The following PACSIN1 variants were observed in gnomAD, a reference collection of about 807,000 sequenced individuals.
PACSIN1 encodes protein kinase C and casein kinase substrate in neurons protein 1.
Under a neutral mutation model 59.5 loss-of-function variants are expected in PACSIN1, and 15 were observed. The observed-to-expected ratio is 0.25, with a 90% confidence interval of 0.17 to 0.39. PACSIN1 has a LOEUF of 0.39. Among genes scored for constraint, PACSIN1 ranks in the 10% least tolerant of loss-of-function variants. PACSIN1 has a pLI of 1.00. For missense variants in PACSIN1, 420 were observed against 580.2 expected (o/e 0.72, Z 2.84); for synonymous variants, 210 against 220.6 (o/e 0.95, Z 0.42).
chr6:34,508,016 T>C (rs1388405088), intron 1 of PACSIN1, among the ~76,000 whole-genome samples: 4 of 152,140 alleles, frequency 2.6e-5, no homozygotes, highest in Non-Finnish European at 5.9e-5. Context: ...AACACAGGAG[T>C]ACAAATTTGT....
chr6:34,493,076 C>T (rs1453262440), intron 1 of PACSIN1, among the ~76,000 whole-genome samples: 1 of 152,178 alleles, frequency 6.6e-6, no homozygotes, highest in Non-Finnish European at 1.5e-5. Flanking sequence ...GCTGGGAGGA[C>T]ACTTCAGAGT....
chr6:34,498,188 A>T (rs1044571643), intron 1 of PACSIN1, among the ~76,000 whole-genome samples: 1 of 152,022 alleles, frequency 6.6e-6, no homozygotes, highest in Non-Finnish European at 1.5e-5. Context: ...CAGCCTCCCA[A>T]GTAGCTGGGA....
intron 1 of PACSIN1, among the ~76,000 whole-genome samples, chr6:34,502,485 A>C (rs1767039411): frequency 4.8e-5 from 3 of 62,214 alleles, no homozygotes; most frequent in Non-Finnish European, 9.0e-5. Context: ...TTTTTTTTTG[A>C]GACGGAGTCT....
intron 1 of PACSIN1, among the ~76,000 whole-genome samples, chr6:34,522,938 G>A (rs747620906): frequency 2.0e-5 from 3 of 152,150 alleles, no homozygotes; most frequent in Admixed American, 6.5e-5. Flanking sequence ...GGTGGTGCCC[G>A]CCCACATTGC....
rs376065816 is a variant in PACSIN1, at chr6:34,488,060, C to T, written c.-64+21790C>T. ...GCTGCAGCAGGACTCTGGGCCACAA[C>T]AGACACTTGCACTCTCCCTCTTCAA... On this transcript the variant is annotated intron_variant, in intron 1 of 9. Coordinates refer to ENST00000244458, the MANE Select transcript of PACSIN1 (RefSeq NM_020804.5). This position sits in a 1 kb window ranked among gnomAD's most constrained non-coding sequence, Gnocchi z 4.7. Among the ~76,000 whole-genome samples the T allele has an allele frequency of 6.6e-6, 1 of 152,296 alleles. No homozygotes were observed. Among genetic ancestry groups the T allele is most frequent in the East Asian group, 1.9e-4 (1 of 5,178 alleles).
intron 1 of PACSIN1, among the ~76,000 whole-genome samples, chr6:34,492,834 T>A (rs1172083499): frequency 1.3e-5 from 2 of 152,204 alleles, no homozygotes; most frequent in Non-Finnish European, 2.9e-5. Flanking sequence ...GAGGGAGCTG[T>A]GGGTCATGAA....
chr6:34,468,267 T>C (rs1766525323), intron 1 of PACSIN1, among the ~76,000 whole-genome samples: 1 of 152,194 alleles, frequency 6.6e-6, no homozygotes, highest in Non-Finnish European at 1.5e-5. Context: ...CCTGTGTCTA[T>C]GAAGGACATC....
chr6:34,485,641 G>A (rs547708325), intron 1 of PACSIN1, among the ~76,000 whole-genome samples: 2 of 152,306 alleles, frequency 1.3e-5, no homozygotes, highest in East Asian at 3.9e-4. Context: ...TGTGAGGCTG[G>A]AGTTCAGGGG....
chr6:34,532,409 TC>T lies in PACSIN1; in HGVS notation c.1226-11del. 1 of 1,548,416 alleles carries T rather than the reference TC, an allele frequency of 6.5e-7. No homozygotes were observed. The highest frequency in any genetic ancestry group is 2.4e-5 in the East Asian group (1 of 41,486). On this transcript the variant is annotated splice_polypyrimidine_tract_variant and intron_variant, in intron 9 of 9. Transcript: ENST00000244458. The surrounding 1 kb of genome is among the most constrained non-coding windows in gnomAD (Gnocchi z 5.2). The stretch of plus-strand genomic sequence containing the variant: ...CTTCTCTCTGAGCCCCTCCCTGTGT[TC>T]TCTTTCCCAGGAGACGAACTCACCA...
intron 1 of PACSIN1, among the ~76,000 whole-genome samples, chr6:34,480,569 A>G (rs576550814): frequency 3.4e-4 from 51 of 152,238 alleles, no homozygotes; most frequent in African/African-American, 1.2e-3. Flanking sequence ...TAAATAAACC[A>G]TGATATACTT....
At chr6:34,497,518 C>T (rs1766965775) in intron 1 of PACSIN1, among the ~76,000 whole-genome samples, 1 of 152,148 alleles carries the variant, frequency 6.6e-6, no homozygotes, top group Non-Finnish European at 1.5e-5. Flanking sequence ...AGGCTCCTCG[C>T]AGGCTCACCT....
chr6:34,524,218 G>C (rs914662398), intron 1 of PACSIN1, among the ~76,000 whole-genome samples: 1 of 152,140 alleles, frequency 6.6e-6, no homozygotes, highest in Admixed American at 6.5e-5. Context: ...ATTTTGGCCT[G>C]ACATACCAGG....
At chr6:34,491,793 G>A (rs1369308027) in intron 1 of PACSIN1, among the ~76,000 whole-genome samples, 5 of 151,718 alleles carry the variant, frequency 3.3e-5, no homozygotes, top group Admixed American at 3.3e-4. Flanking sequence ...TGTATATTTA[G>A]TAGAGACGGG....
At position 34,521,504 on chromosome 6, in the gene PACSIN1, G is replaced by A. The variant is rs1036821343; in HGVS notation, c.-63-4739G>A. ...GGGCCTGAGGAGAGATGCCCTCCACGCTGGGGCTCCTTTGTCACTGAGGCC... is the reference window on the plus strand; with the variant it reads ...GGGCCTGAGGAGAGATGCCCTCCACACTGGGGCTCCTTTGTCACTGAGGCC... On this transcript the variant is annotated intron_variant, in intron 1 of 9. Transcript: ENST00000244458. The surrounding 1 kb of genome is among the most constrained non-coding windows in gnomAD (Gnocchi z 4.3). 1.3e-5 allele frequency among the ~76,000 whole-genome samples: 2 copies of A among 152,284 alleles called. No individual in the cohort carries two copies. Among genetic ancestry groups the A allele is most frequent in the Middle Eastern group, 3.4e-3 (1 of 294 alleles).
At chr6:34,526,813 A>C (rs1767493330) in intron 2 of PACSIN1, among the ~76,000 whole-genome samples, 1 of 152,040 alleles carries the variant, frequency 6.6e-6, no homozygotes, top group African/African-American at 2.4e-5. Flanking sequence ...CATTTTCAGA[A>C]CCTTCGGAAA....
At chr6:34,492,390 TA>T (rs1561959840) in intron 1 of PACSIN1, among the ~76,000 whole-genome samples, 1 of 148,492 alleles carries the variant, frequency 6.7e-6, no homozygotes, top group African/African-American at 2.5e-5. Flanking sequence ...TATTTATTTT[TA>T]TTTTTTTTTG....
intron 1 of PACSIN1, among the ~76,000 whole-genome samples, chr6:34,505,638 T>TC (rs1384464162): frequency 1.3e-5 from 2 of 148,914 alleles, no homozygotes; most frequent in East Asian, 3.9e-4. Flanking sequence ...ATACTTTTTT[T>TC]TTTTTTTTTT....
chr6:34,493,472 G>C (rs1381035443), intron 1 of PACSIN1, among the ~76,000 whole-genome samples: 1 of 152,194 alleles, frequency 6.6e-6, no homozygotes, highest in Non-Finnish European at 1.5e-5. Context: ...CCAAACTTCA[G>C]TAGAGATTGC....
chr6:34,500,404 G>A (rs1195567983), intron 1 of PACSIN1, among the ~76,000 whole-genome samples: 1 of 152,178 alleles, frequency 6.6e-6, no homozygotes, highest in East Asian at 1.9e-4. Flanking sequence ...TACAGCCACT[G>A]TGGAATTGTC....
Sources: allele counts gnomAD v4.1 joint callset (sites outside exome capture counted in the v4.1 genomes callset), GRCh38; gene constraint gnomAD v4.1.1; non-coding constraint Gnocchi (gnomAD v3.1); transcripts MANE v1.5; gene names NCBI Gene and HGNC (gene_info 2026-07-23, HGNC 2026-07-21).